The following TBC1D15 variants were observed in gnomAD, a reference collection of about 807,000 sequenced individuals.
TBC1D15 encodes the protein TBC1 domain family member 15.
Under a neutral mutation model 95.4 loss-of-function variants are expected in TBC1D15, and 39 were observed. The observed-to-expected ratio is 0.41, with a 90% CI of 0.32 to 0.53. The LOEUF is 0.53. Ranked by LOEUF, TBC1D15 falls within the 20% of genes least tolerant of loss-of-function variation. The pLI is 0.29. For synonymous variants in TBC1D15, 258 were observed against 261.3 expected, an observed-to-expected ratio of 0.99 and a Z score of 0.12; for missense variants, 733 against 794.3, an observed-to-expected ratio of 0.92 and a Z score of 0.93.
chr12:71,920,834 A>G lies in TBC1D15; in HGVS notation c.1703A>G (p.Asn568Ser), dbSNP rs1441312488. 5.6e-6 allele frequency: 9 copies of G among 1,608,692 alleles called. No homozygotes were observed. The highest frequency in any genetic ancestry group is 2.2e-5 in the East Asian group (1 of 44,750). The change falls in exon 15 of 17, where the codon AAT becomes AGT. Residue 568 changes from asparagine to serine, a missense_variant. Physicochemically the swap from Asn to Ser is conservative, Grantham distance 46 (BLOSUM62 1). Coordinates refer to ENST00000485960, the MANE Select transcript of TBC1D15 (RefSeq NM_001146213.3). ...QQIMEKHYGFNEILKHINELS... is the reference protein window; with the variant it reads ...QQIMEKHYGFSEILKHINELS... ...ATAATGGAAAAGCATTATGGCTTCA[A>G]TGAAATACTTAAGGTAGTTATTCCT...
rs78401702 is a variant in TBC1D15, at chr12:71,843,526, G to A, written c.30+3715G>A. Among the ~76,000 whole-genome samples, 761 of 152,178 alleles carry A rather than the reference G, an allele frequency of 5.0e-3. 6 individuals carry two copies. Among genetic ancestry groups the A allele is most frequent in the African/African-American group, 0.017 (709 of 41,526 alleles). On this transcript the variant is annotated intron_variant, in intron 1 of 16. Coordinates refer to ENST00000485960, the MANE Select transcript of TBC1D15 (RefSeq NM_001146213.3). The stretch of plus-strand genomic sequence containing the variant: ...CATGGTAGTTAACTAGGGTATAATA[G>A]GAGTATGTCTTATTTTTAAATTTTT...
At chr12:71,859,318 T>C (rs1385114681) in intron 1 of TBC1D15, among the ~76,000 whole-genome samples, 4 of 152,314 alleles carry the variant, frequency 2.6e-5, no homozygotes, top group African/African-American at 9.6e-5. Flanking sequence ...GTTGAGGTTT[T>C]CGACTTTCTT....
intron 1 of TBC1D15, among the ~76,000 whole-genome samples, chr12:71,844,516 C>G (rs934908196): frequency 3.3e-5 from 5 of 152,160 alleles, no homozygotes; most frequent in African/African-American, 1.2e-4. Flanking sequence ...ATATGTCGCT[C>G]TAAGTAAGTT....
intron 10 of TBC1D15, among the ~76,000 whole-genome samples, chr12:71,903,727 T>A (rs756727150): frequency 1.3e-5 from 2 of 152,162 alleles, no homozygotes; most frequent in African/African-American, 4.8e-5. Context: ...TAGATGGAAC[T>A]GGAGGCCATA....
At chr12:71,910,326 G>A (rs1303903048) in intron 11 of TBC1D15, among the ~76,000 whole-genome samples, 1 of 149,248 alleles carries the variant, frequency 6.7e-6, no homozygotes, top group Non-Finnish European at 1.5e-5. Context: ...TTTGGCTTAG[G>A]ATTGACTTGG....
intron 3 of TBC1D15, among the ~76,000 whole-genome samples, chr12:71,878,584 C>T (rs1247393266): frequency 2.0e-5 from 3 of 149,966 alleles, no homozygotes; most frequent in Non-Finnish European, 3.0e-5. Context: ...GGTGCGATTT[C>T]GGCTCACTGC....
Position 71,863,809 on chromosome 12 carries a change from T to G in TBC1D15, c.31-8261T>G, listed in dbSNP as rs1161221294. The stretch of plus-strand genomic sequence containing the variant: ...TGCTGATCAGGTCTGCTGTTGAAGC[T>G]CTCTTTTATTTTTTTATTTTATCAT... On this transcript the variant is annotated intron_variant, in intron 1 of 16. Coordinates refer to ENST00000485960, the MANE Select transcript of TBC1D15 (RefSeq NM_001146213.3). Among the ~76,000 whole-genome samples, 6 of 152,232 alleles carry G rather than the reference T, an allele frequency of 3.9e-5. 1 individual carries two copies. In the South Asian group the frequency reaches 1.0e-3, roughly 26 times the overall value.
intron 1 of TBC1D15, among the ~76,000 whole-genome samples, chr12:71,855,829 C>T (rs1888927342): frequency 1.3e-5 from 2 of 151,164 alleles, no homozygotes; most frequent in African/African-American, 4.9e-5. Flanking sequence ...GCTATTGTGT[C>T]TTTTTTAAAA....
At chr12:71,865,707 C>T (rs1891340797) in intron 1 of TBC1D15, among the ~76,000 whole-genome samples, 1 of 152,012 alleles carries the variant, frequency 6.6e-6, no homozygotes, top group South Asian at 2.1e-4. Context: ...AGTTGTTTGG[C>T]CTGTAGTGTG....
rs925172066 is a variant in TBC1D15 at position 71,923,408 on chromosome 12, G to A, written c.*204G>A. The A allele has an allele frequency of 7.7e-5, 38 of 493,868 alleles. 1 individual carries two copies. Among genetic ancestry groups the A allele is most frequent in the Non-Finnish European group, 1.1e-4 (31 of 281,362 alleles). 30.6% of individuals were successfully genotyped at this position (493,868 alleles called of 1,614,324 possible). Reference sequence around the variant, plus strand: ...TTCTACCAAATAGCCTTTCCTTTTCGATAACATTCCTCAGTATTTTTATAG... The same window carrying A: ...TTCTACCAAATAGCCTTTCCTTTTCAATAACATTCCTCAGTATTTTTATAG... On this transcript the variant is annotated 3_prime_UTR_variant, in exon 17 of 17. Transcript: ENST00000485960.
intron 6 of TBC1D15, chr12:71,894,187 G>A: frequency 1.5e-6 from 1 of 687,362 alleles, no homozygotes; most frequent in Non-Finnish European, 2.4e-6. Context: ...ATTCTTGTTG[G>A]CATGATTTAC....
At chr12:71,854,559 A>T (rs1364196192) in intron 1 of TBC1D15, 7 of 456,488 alleles carry the variant, frequency 1.5e-5, no homozygotes, top group Non-Finnish European at 2.6e-5. Context: ...GTACCTTCTG[A>T]CAGGCGACAT....
intron 1 of TBC1D15, among the ~76,000 whole-genome samples, chr12:71,853,513 T>C (rs534986355): frequency 1.1e-4 from 17 of 152,318 alleles, no homozygotes; most frequent in African/African-American, 3.8e-4. Flanking sequence ...AATAATACTT[T>C]AATATCCTTC....
chr12:71,851,425 T>C (rs1887804094), intron 1 of TBC1D15, among the ~76,000 whole-genome samples: 1 of 152,152 alleles, frequency 6.6e-6, no homozygotes, highest in African/African-American at 2.4e-5. Context: ...CATTTCCTTA[T>C]CACATTTCAA....
chr12:71,881,475 T>C (rs368969594), intron 4 of TBC1D15, among the ~76,000 whole-genome samples: 33 of 152,284 alleles, frequency 2.2e-4, no homozygotes, highest in East Asian at 5.8e-4. Context: ...TCTGGAGATA[T>C]AGCCTGGGCA....
intron 1 of TBC1D15, among the ~76,000 whole-genome samples, chr12:71,862,150 C>T (rs1890523273): frequency 6.6e-6 from 1 of 152,062 alleles, no homozygotes; most frequent in African/African-American, 2.4e-5. Flanking sequence ...GTGTATTATG[C>T]AGCTGTTGGA....
chr12:71,886,805 T>C (rs1354565292), intron 5 of TBC1D15, among the ~76,000 whole-genome samples: 1 of 152,140 alleles, frequency 6.6e-6, no homozygotes, highest in Admixed American at 6.5e-5. Flanking sequence ...AGTATCATGA[T>C]TGGAATAGAA....
chr12:71,913,012 T>A (rs1902778429), intron 11 of TBC1D15, among the ~76,000 whole-genome samples: 1 of 152,074 alleles, frequency 6.6e-6, no homozygotes, highest in African/African-American at 2.4e-5. Flanking sequence ...AAAGTAAAAC[T>A]AACACTTTTT....
At chr12:71,877,515 C>T (rs199822452) in intron 3 of TBC1D15, among the ~76,000 whole-genome samples, 5 of 112,804 alleles carry the variant, frequency 4.4e-5, no homozygotes, top group Non-Finnish European at 6.9e-5. Context: ...TTCCTTCCTT[C>T]CTTCCTTCCT....
Sources: gnomAD v4.1 joint callset for allele counts (sites outside exome capture counted in the v4.1 genomes callset) on GRCh38, gnomAD v4.1.1 for gene constraint, MANE v1.5 for transcripts, NCBI Gene and HGNC (gene_info 2026-07-23, HGNC 2026-07-21) for gene names.